TEFM: variants seen among roughly 807,000 people sequenced by gnomAD.
TEFM encodes transcription elongation factor of mitochondria.
TEFM carries 14 observed loss-of-function variants against 23.0 expected under a neutral mutation model. That is an observed-to-expected ratio of 0.61 (90% CI 0.40 to 0.95). TEFM has a LOEUF of 0.95. Ranked by LOEUF, TEFM falls within the 40% of genes least tolerant of loss-of-function variation. TEFM has a pLI of 0.00. For missense variants in TEFM, 386 were observed against 425.5 expected (o/e 0.91, Z 0.82); for synonymous variants, 155 against 158.3 (o/e 0.98, Z 0.16).
intron 1 of TEFM, among the ~76,000 whole-genome samples, chr17:30,904,748 G>A (rs1439748206): frequency 6.7e-6 from 1 of 149,798 alleles, no homozygotes; most frequent in Non-Finnish European, 1.5e-5. Flanking sequence ...GGCCGATCTC[G>A]GCTCACTGCA....
chr17:30,899,068 A>G lies in TEFM; in HGVS notation c.*101T>C, dbSNP rs1037484892. Reference sequence around the variant, plus strand: ...AAAAGTCAGAATTTAAACATCTAAAATACACTGAAAATGTGTTCTTTTCCA... The same window carrying G: ...AAAAGTCAGAATTTAAACATCTAAAGTACACTGAAAATGTGTTCTTTTCCA... On this transcript the variant is annotated 3_prime_UTR_variant, in exon 4 of 4. Coordinates refer to ENST00000581216, the MANE Select transcript of TEFM (RefSeq NM_024683.4). 60 of 1,170,330 alleles carry G rather than the reference A, an allele frequency of 5.1e-5. No individual in the cohort carries two copies. The highest frequency in any genetic ancestry group is 6.7e-5 in the Non-Finnish European group (56 of 840,226). 72.5% of individuals were successfully genotyped at this position (1,170,330 alleles called of 1,614,324 possible).
chr17:30,904,597 A>G (rs917393773), intron 1 of TEFM, 68 bp from the exon 2 acceptor site: 7 of 1,143,710 alleles, frequency 6.1e-6, no homozygotes, highest in Non-Finnish European at 8.7e-6. Context: ...TGCAAGCTTG[A>G]CTAGATCCTT....
rs768368589 is a variant in TEFM, at chr17:30,906,215, T to C, written c.-17A>G. On this transcript the variant is annotated 5_prime_UTR_variant, in exon 1 of 4. Transcript: ENST00000581216. Reference sequence around the variant, plus strand: ...CCCGCTCATCTCCAAGTTGAATCAGTAGGTCCAGTCTTCCTCCATTGACTT... The same window carrying C: ...CCCGCTCATCTCCAAGTTGAATCAGCAGGTCCAGTCTTCCTCCATTGACTT... 2.0e-5 allele frequency: 33 copies of C among 1,614,072 alleles called. No homozygotes were observed. Among genetic ancestry groups the C allele is most frequent in the East Asian group, 2.2e-5 (1 of 44,890 alleles).
rs1173840606 is a variant in TEFM at position 30,900,383 on chromosome 17, G to A, written c.645+30C>T. On this transcript the variant is annotated intron_variant, in intron 3 of 3. Coordinates refer to ENST00000581216, the MANE Select transcript of TEFM (RefSeq NM_024683.4). ...TTAAACTACACAAGGAGCTCTAGCA[G>A]GTAGGAATCTGGAGGTGCAACTGCC... 4 of 1,608,710 alleles carry A rather than the reference G, an allele frequency of 2.5e-6. No individual in the cohort carries two copies. In the East Asian group the frequency reaches 6.7e-5, roughly 27 times the overall value.
At position 30,904,529 on chromosome 17, in the gene TEFM, T is replaced by A; in HGVS notation, c.32A>T (p.Glu11Val). 6.3e-7 allele frequency: 1 copy of A among 1,587,022 alleles called. No individual in the cohort carries two copies. The highest frequency in any genetic ancestry group is 8.6e-7 in the Non-Finnish European group (1 of 1,167,878). Reference sequence around the variant, plus strand: ...CGGGGTCAGAAAGCATCTCCACCTCTCTAAAAGGAAAATTTAGCAAAATAT... The same window carrying A: ...CGGGGTCAGAAAGCATCTCCACCTCACTAAAAGGAAAATTTAGCAAAATAT... MSGSVLFTAG[E>V]RWRCFLTPSR... Residue 11 changes from glutamate (E) to valine (V), a missense_variant and splice_region_variant, in exon 2 of 4, where the codon GAG becomes GTG. Glu to Val is a moderately radical substitution (Grantham distance 121). Transcript: ENST00000581216.
At chr17:30,903,517 C>CTTTT (rs397935118) in intron 2 of TEFM, among the ~76,000 whole-genome samples, 7 of 129,922 alleles carry the variant, frequency 5.4e-5, no homozygotes, top group African/African-American at 1.9e-4. Flanking sequence ...GAGCCAGCCG[C>CTTTT]TTTTTTTTTT....
chr17:30,899,823 A>T, intron 3 of TEFM: 1 of 379,160 alleles, frequency 2.6e-6, no homozygotes, highest in Non-Finnish European at 4.6e-6. Context: ...TAGTCCTCCT[A>T]AGTACCAGTT....
chr17:30,899,226 A>G lies in TEFM; in HGVS notation c.1026T>C (p.Asp342=). 1 of 1,612,928 alleles carries G rather than the reference A, an allele frequency of 6.2e-7. No homozygotes were observed. Among genetic ancestry groups the G allele is most frequent in the South Asian group, 1.1e-5 (1 of 91,028 alleles). ...AGAAGGCAATAGCTTGTAATAATGA[A>G]TCATAAAGCTCTTCTACTCTTTGTA... ...TELQRVEELY[D]SLLQAIAFYE... The change falls in exon 4 of 4, where the codon GAT becomes GAC. Residue 342 remains aspartate, a synonymous_variant. Transcript: ENST00000581216.
chr17:30,903,284 T>C (rs1032195210), intron 2 of TEFM, among the ~76,000 whole-genome samples: 2 of 145,186 alleles, frequency 1.4e-5, no homozygotes, highest in East Asian at 4.4e-4. Flanking sequence ...TGGAGTGCAC[T>C]GGCGTGATGT....
chr17:30,900,783 T>A (rs530591614), intron 2 of TEFM, among the ~76,000 whole-genome samples: 4 of 151,260 alleles, frequency 2.6e-5, no homozygotes, highest in Middle Eastern at 3.4e-3. Flanking sequence ...TTTATTTTTT[T>A]TTTTAGTAGA....
At chr17:30,905,568 T>C (rs1460304300) in intron 1 of TEFM, among the ~76,000 whole-genome samples, 1 of 152,182 alleles carries the variant, frequency 6.6e-6, no homozygotes, top group African/African-American at 2.4e-5. Context: ...TTTCACATTT[T>C]AGTATCTCAT....
chr17:30,905,048 G>A (rs73265624), intron 1 of TEFM, among the ~76,000 whole-genome samples: 15,977 of 152,014 alleles, frequency 0.11, 954 homozygotes, highest in South Asian at 0.24. Context: ...AGCTTTTGTT[G>A]TTTTCAAGTC....
intron 2 of TEFM, among the ~76,000 whole-genome samples, chr17:30,903,119 A>G (rs1470045868): frequency 7.4e-6 from 1 of 135,062 alleles, no homozygotes. Context: ...GCCTGGCGAC[A>G]GCACAAGACT....
At chr17:30,904,780 G>A (rs899528567) in intron 1 of TEFM, among the ~76,000 whole-genome samples, 30 of 150,868 alleles carry the variant, frequency 2.0e-4, no homozygotes, top group African/African-American at 6.3e-4. Flanking sequence ...CCAGGTTCAC[G>A]CCATTCTCCT....
Position 30,899,551 on chromosome 17 carries a change from G to T in TEFM, c.701C>A (p.Thr234Lys). The T allele has an allele frequency of 6.3e-7, 1 of 1,598,820 alleles. No homozygotes were observed. The highest frequency in any genetic ancestry group is 8.5e-7 in the Non-Finnish European group (1 of 1,171,328). ...PKADFYVLEK[T>K]GLSIQNSSLF... ...AGATGAGTTCTGAATGGAAAGTCCT[G>T]TTTTTTCCAGAACATAGAAATCTGC... The change falls in exon 4 of 4, where the codon ACA (threonine) becomes AAA (lysine). Residue 234 changes from threonine (T) to lysine (K), a missense_variant. Coordinates refer to ENST00000581216, the MANE Select transcript of TEFM (RefSeq NM_024683.4).
In TEFM at chr17:30,903,227, G is replaced by GTTTT. The variant is rs200737050; in HGVS notation, c.495+838_495+839insAAAA. Among the ~76,000 whole-genome samples the GTTTT allele has an allele frequency of 4.1e-3, 575 of 140,282 alleles. 9 individuals are homozygous for GTTTT. The highest frequency in any genetic ancestry group is 0.013 in the South Asian group (50 of 3,946). The allele number at this position is 140,282 out of a possible 152,430, so 92.0% of individuals were successfully genotyped here. On this transcript the variant is annotated intron_variant, in intron 2 of 3. Transcript: ENST00000581216. ...TAGAAAAAGAATTGCTTTTAGAATGGTGTTTTTTTTTTTTTTTTGAGACAG... is the reference window on the plus strand; with the variant it reads ...TAGAAAAAGAATTGCTTTTAGAATGGTTTTTGTTTTTTTTTTTTTTTTGAGACAG...
At chr17:30,900,144 T>TA (rs1389364479) in intron 3 of TEFM, 2 of 421,962 alleles carry the variant, frequency 4.7e-6, no homozygotes, top group African/African-American at 4.0e-5. Context: ...GCTTTATAAA[T>TA]AAAAGAGTGA....
intron 2 of TEFM, among the ~76,000 whole-genome samples, chr17:30,903,159 T>A (rs1178024340): frequency 7.6e-6 from 1 of 131,658 alleles, no homozygotes. Context: ...AAAAAAAAAA[T>A]TGGCTGTGTC....
intron 3 of TEFM, chr17:30,900,102 A>T (rs1229120633): frequency 4.9e-6 from 2 of 405,648 alleles, no homozygotes; most frequent in Non-Finnish European, 4.4e-6. Context: ...GAAAACTCAA[A>T]TGAGACAATG....
Sources: gnomAD v4.1 joint callset for allele counts (sites outside exome capture counted in the v4.1 genomes callset) on GRCh38, gnomAD v4.1.1 for gene constraint, MANE v1.5 for transcripts, NCBI Gene and HGNC (gene_info 2026-07-23, HGNC 2026-07-21) for gene names.